Variants in DNM1L observed in about 807,000 individuals in gnomAD.
The protein encoded by DNM1L is dynamin 1L.
In DNM1L, 33 loss-of-function variants were observed where a neutral mutation model predicts 92.8. The ratio of observed to expected loss-of-function variants is 0.36; its 90% CI spans 0.27 to 0.48. The LOEUF (loss-of-function observed/expected upper bound fraction) is 0.48. DNM1L is among the 20% of genes least tolerant of loss of function. DNM1L has a pLI of 0.99. For synonymous variants in DNM1L, 284 were observed against 305.0 expected (o/e 0.93, Z 0.72); for missense variants, 485 against 888.8 (o/e 0.55, Z 5.78).
In DNM1L at chr12:32,743,760, T is replaced by C. The variant is rs1211955021; in HGVS notation, c.*350T>C. The C allele has an allele frequency of 3.6e-6, 1 of 280,356 alleles. No individual in the cohort carries two copies. The highest frequency in any genetic ancestry group is 6.8e-6 in the Non-Finnish European group (1 of 146,954). 17.4% of individuals were successfully genotyped at this position (280,356 alleles called of 1,614,324 possible). ...GTGTAATAATCTTTGTTAGTAGTCTTAAAGCTGCTGCCATAGTCCTCCAAG... is the reference window on the plus strand; with the variant it reads ...GTGTAATAATCTTTGTTAGTAGTCTCAAAGCTGCTGCCATAGTCCTCCAAG... On this transcript the variant is annotated 3_prime_UTR_variant, in exon 20 of 20. Transcript: ENST00000549701.
intron 2 of DNM1L, among the ~76,000 whole-genome samples, chr12:32,702,641 G>C (rs1363338149): frequency 6.6e-6 from 1 of 151,276 alleles, no homozygotes; most frequent in Non-Finnish European, 1.5e-5. Context: ...TTCTGTGTCT[G>C]ATTTTTTCAT....
rs545783593 is a variant in DNM1L at position 32,743,723 on chromosome 12, A to C, written c.*313A>C. 3 of 367,450 alleles carry C rather than the reference A, an allele frequency of 8.2e-6. No individual in the cohort carries two copies. The highest frequency in any genetic ancestry group is 6.2e-5 in the African/African-American group (3 of 48,666). The allele number at this position is 367,450 out of a possible 1,614,324, so 22.8% of individuals were successfully genotyped here. ...GTTGTGCAAAGCAGTTTGCCTGTGG[A>C]TAAGATGACCTGTGTAATAATCTTT... On this transcript the variant is annotated 3_prime_UTR_variant, in exon 20 of 20. Coordinates refer to ENST00000549701, the MANE Select transcript of DNM1L (RefSeq NM_012062.5).
intron 12 of DNM1L, 60 bp from the exon 13 acceptor site, chr12:32,733,652 ATTT>A (rs1592669794): frequency 7.3e-7 from 1 of 1,377,820 alleles, no homozygotes; most frequent in East Asian, 2.3e-5. Flanking sequence ...TTATATATAA[ATTT>A]CTCAAAGTAA....
chr12:32,717,449 CTATATATATTTTAAATATATAG>C (rs1404901162), intron 6 of DNM1L, among the ~76,000 whole-genome samples: 52 of 50,914 alleles, frequency 1.0e-3, no homozygotes, highest in Admixed American at 1.4e-3. Context: ...TAAATATATA[CTATATATATTTTAAATATATAG>C]TATATATATT....
At chr12:32,729,310 C>A (rs142825332) in intron 9 of DNM1L, among the ~76,000 whole-genome samples, 1 of 137,296 alleles carries the variant, frequency 7.3e-6, no homozygotes, top group East Asian at 2.3e-4. Flanking sequence ...CTCAAACTCC[C>A]GACCTTGTGA....
chr12:32,701,276 C>CA lies in DNM1L; in HGVS notation c.103-124dup, dbSNP rs373760863. 0.18 allele frequency: 106,792 copies of CA among 585,890 alleles called. 1,048 individuals carry two copies. The highest frequency in any genetic ancestry group is 0.22 in the East Asian group (6,171 of 28,258). 36.3% of individuals were successfully genotyped at this position (585,890 alleles called of 1,614,324 possible). ...AGCCAACAAGAGCGAAACTCCGTCT[C>CA]AAAAAAAAAAAAAAATAGTCTCTGC... On this transcript the variant is annotated intron_variant, in intron 1 of 19. Transcript: ENST00000549701.
chr12:32,741,389 G>A (rs1261757672), intron 18 of DNM1L, among the ~76,000 whole-genome samples: 1 of 152,200 alleles, frequency 6.6e-6, no homozygotes, highest in Non-Finnish European at 1.5e-5. Context: ...GGGTTCAAGC[G>A]ATTCTCCTGC....
intron 2 of DNM1L, chr12:32,705,641 G>A (rs559308882): frequency 9.2e-5 from 52 of 568,092 alleles, no homozygotes; most frequent in South Asian, 2.2e-4. Context: ...TTTGCACTGC[G>A]CAGTGGGATT....
At chr12:32,740,573 A>T in intron 18 of DNM1L, 55 bp downstream of exon 18, 1 of 1,451,788 alleles carries the variant, frequency 6.9e-7, no homozygotes, top group Non-Finnish European at 9.5e-7. Flanking sequence ...TGATTCTGTG[A>T]TCTGTTTTGA....
chr12:32,743,271 T>C (rs2137618964), intron 19 of DNM1L, 83 bp from the exon 20 acceptor site: 2 of 1,218,108 alleles, frequency 1.6e-6, no homozygotes, highest in East Asian at 2.5e-5. Context: ...ACCACATATA[T>C]ATTGGAAAAA....
In DNM1L at chr12:32,744,434, C is replaced by T. The variant is rs1369350951; in HGVS notation, c.*1024C>T. 6.2e-6 allele frequency: 1 copy of T among 161,446 alleles called. No individual in the cohort carries two copies. The highest frequency in any genetic ancestry group is 2.4e-5 in the African/African-American group (1 of 41,508). 10.0% of individuals were successfully genotyped at this position (161,446 alleles called of 1,614,324 possible). On this transcript the variant is annotated 3_prime_UTR_variant, in exon 20 of 20. Coordinates refer to ENST00000549701, the MANE Select transcript of DNM1L (RefSeq NM_012062.5). Reference sequence around the variant, plus strand: ...GGAGCTGAAAGAAAAACACCCAAGGCTGGGCGTGGTGGCACACGCCTGTAA... The same window carrying T: ...GGAGCTGAAAGAAAAACACCCAAGGTTGGGCGTGGTGGCACACGCCTGTAA...
chr12:32,690,743 TGTA>T (rs753135947), intron 1 of DNM1L, among the ~76,000 whole-genome samples: 1 of 152,208 alleles, frequency 6.6e-6, no homozygotes, highest in Non-Finnish European at 1.5e-5. Context: ...GTAGTAGCAA[TGTA>T]GTATGTTCGA....
At chr12:32,699,724 G>A (rs1952617304) in intron 1 of DNM1L, among the ~76,000 whole-genome samples, 1 of 144,290 alleles carries the variant, frequency 6.9e-6, no homozygotes, top group Non-Finnish European at 1.5e-5. Flanking sequence ...AACCTGGGAG[G>A]TAGAGGTTGC....
At chr12:32,738,971 A>G (rs1955095970) in intron 16 of DNM1L, among the ~76,000 whole-genome samples, 5 of 152,178 alleles carry the variant, frequency 3.3e-5, no homozygotes, top group African/African-American at 1.2e-4. Context: ...AAATCACTGC[A>G]CAAGTTTTAT....
intron 1 of DNM1L, among the ~76,000 whole-genome samples, chr12:32,686,304 C>T (rs1052979615): frequency 5.3e-5 from 8 of 152,262 alleles, no homozygotes; most frequent in African/African-American, 1.9e-4. Flanking sequence ...ACCTCGACCT[C>T]CCAAAGTGCT....
At chr12:32,737,714 TA>T in intron 14 of DNM1L, 150 bp from the exon 15 acceptor site, 1 of 674,636 alleles carries the variant, frequency 1.5e-6, no homozygotes, top group Non-Finnish European at 2.6e-6. Context: ...GTGAAGGAAA[TA>T]AGGCAGAATA....
At chr12:32,722,390 T>G in intron 8 of DNM1L, 37 bp from the exon 9 acceptor site, 1 of 1,583,886 alleles carries the variant, frequency 6.3e-7, no homozygotes, top group Non-Finnish European at 8.6e-7. Flanking sequence ...GAATACACAA[T>G]TTTACTTTTA....
chr12:32,690,700 G>C (rs960049970), intron 1 of DNM1L, among the ~76,000 whole-genome samples: 2 of 152,116 alleles, frequency 1.3e-5, no homozygotes, highest in African/African-American at 4.8e-5. Context: ...TCATAGAGTT[G>C]TTAGACTTAA....
At chr12:32,741,539 C>T (rs1955291998) in intron 18 of DNM1L, among the ~76,000 whole-genome samples, 1 of 152,214 alleles carries the variant, frequency 6.6e-6, no homozygotes, top group African/African-American at 2.4e-5. Context: ...CCTGTCTTGG[C>T]CTCCCAAAGT....
Sources: allele counts gnomAD v4.1 joint callset (sites outside exome capture counted in the v4.1 genomes callset), GRCh38; gene constraint gnomAD v4.1.1; transcripts MANE v1.5; gene names NCBI Gene and HGNC (gene_info 2026-07-23, HGNC 2026-07-21).